Variants in GLDN observed in about 807,000 individuals in gnomAD.
GLDN encodes gliomedin.
In GLDN, 47 loss-of-function variants were observed where a neutral mutation model predicts 56.5. The observed-to-expected ratio is 0.83, with a 90% CI of 0.66 to 1.06. GLDN has a LOEUF of 1.06. Ranked by LOEUF, GLDN falls within the 50% of genes least tolerant of loss-of-function variation. The pLI is 0.00. For synonymous variants in GLDN, 332 were observed against 278.8 expected (o/e 1.19, Z -1.90); for missense variants, 782 against 714.3 (o/e 1.09, Z -1.08).
chr15:51,365,735 C>A (rs538553322), intron 1 of GLDN, among the ~76,000 whole-genome samples: 3 of 152,124 alleles, frequency 2.0e-5, no homozygotes, highest in Non-Finnish European at 4.4e-5. Context: ...ACGGATTGGA[C>A]GTTTTTCATT....
intron 1 of GLDN, among the ~76,000 whole-genome samples, chr15:51,343,728 G>A (rs1195350780): frequency 6.6e-6 from 1 of 152,182 alleles, no homozygotes; most frequent in Non-Finnish European, 1.5e-5. Flanking sequence ...ATGAGGGCCT[G>A]TCCCTGAGGC....
At chr15:51,388,447 G>A (rs1048514919) in intron 4 of GLDN, among the ~76,000 whole-genome samples, 5 of 151,920 alleles carry the variant, frequency 3.3e-5, no homozygotes, top group Non-Finnish European at 7.4e-5. Context: ...CTCCCCAAGC[G>A]CAATCAATCG....
At chr15:51,372,720 C>T (rs747102977) in intron 1 of GLDN, among the ~76,000 whole-genome samples, 16 of 152,176 alleles carry the variant, frequency 1.1e-4, no homozygotes, top group Admixed American at 2.6e-4. Context: ...GATGTGCTTT[C>T]CCACTTGAAC....
chr15:51,397,713 C>A, intron 6 of GLDN, 115 bp downstream of exon 6: 1 of 1,267,766 alleles, frequency 7.9e-7, no homozygotes, highest in Non-Finnish European at 1.0e-6. Context: ...GGGTTTTGTC[C>A]AAAATGAAAG....
chr15:51,355,721 C>T (rs1335482728), intron 1 of GLDN, among the ~76,000 whole-genome samples: 5 of 149,466 alleles, frequency 3.3e-5, no homozygotes, highest in African/African-American at 4.9e-5. Flanking sequence ...GACGGGGTTT[C>T]ACCGTGTTAG....
At chr15:51,395,969 C>T (rs1312774134) in intron 5 of GLDN, among the ~76,000 whole-genome samples, 1 of 152,008 alleles carries the variant, frequency 6.6e-6, no homozygotes, top group African/African-American at 2.4e-5. Context: ...ATGACCGAAT[C>T]TCGCAATAAC....
chr15:51,396,226 G>A (rs1008220109), intron 5 of GLDN, among the ~76,000 whole-genome samples: 4 of 152,218 alleles, frequency 2.6e-5, no homozygotes, highest in African/African-American at 9.6e-5. Context: ...CAGGGGCGCA[G>A]ATGTTCCTCA....
rs1254274571 is a variant in GLDN at position 51,383,585 on chromosome 15, C to T, written c.433+132C>T. On this transcript the variant is annotated intron_variant, in intron 3 of 9. Coordinates refer to ENST00000335449, the MANE Select transcript of GLDN (RefSeq NM_181789.4). Reference sequence around the variant, plus strand: ...CTGGCTGTGTGTCTCCTTCTTTGTGCCCCTCACCTGAGGCTCTGCCATCAC... The same window carrying T: ...CTGGCTGTGTGTCTCCTTCTTTGTGTCCCTCACCTGAGGCTCTGCCATCAC... The T allele has an allele frequency of 1.0e-5, 12 of 1,145,074 alleles. No individual in the cohort carries two copies. In the East Asian group the frequency reaches 1.9e-4, roughly 18 times the overall value. 70.9% of individuals were successfully genotyped at this position (1,145,074 alleles called of 1,614,324 possible). A position where few individuals can be genotyped will look rare whatever the true frequency, so the allele number is the denominator to read the frequency against.
downstream of GLDN, among the ~76,000 whole-genome samples, chr15:51,408,900 A>C (rs1276822895): frequency 6.6e-6 from 1 of 151,796 alleles, no homozygotes; most frequent in Non-Finnish European, 1.5e-5. Context: ...CATGGTGTAT[A>C]TGTGCCACAT....
chr15:51,359,502 C>T (rs2037249723), intron 1 of GLDN, among the ~76,000 whole-genome samples: 2 of 151,734 alleles, frequency 1.3e-5, no homozygotes, highest in South Asian at 2.1e-4. Flanking sequence ...AGTGTGGATC[C>T]CCATTGGGAC....
In GLDN at chr15:51,402,098, A is replaced by G. The variant is rs148264441; in HGVS notation, c.1178+355A>G. Among the ~76,000 whole-genome samples the G allele has an allele frequency of 9.6e-3, 1,466 of 152,294 alleles. 19 individuals are homozygous for G. The highest frequency in any genetic ancestry group is 0.034 in the African/African-American group (1,414 of 41,562). ...GTGGAACGTGCTGCTGCTCCCTGAT[A>G]AAGTTTTGTTTTGGAAAACTTTGGG... On this transcript the variant is annotated intron_variant, in intron 9 of 9. Transcript: ENST00000335449.
chr15:51,382,814 A>T (rs1390572637), intron 2 of GLDN, among the ~76,000 whole-genome samples: 1 of 152,146 alleles, frequency 6.6e-6, no homozygotes, highest in Non-Finnish European at 1.5e-5. Context: ...ACTCAAATAG[A>T]ATAGTCGACA....
At chr15:51,381,426 T>C (rs577497873) in intron 2 of GLDN, among the ~76,000 whole-genome samples, 2 of 152,274 alleles carry the variant, frequency 1.3e-5, no homozygotes, top group African/African-American at 4.8e-5. Context: ...CATCTGGTGG[T>C]AAAGTCATGG....
intron 1 of GLDN, among the ~76,000 whole-genome samples, chr15:51,358,001 G>A (rs2037220269): frequency 6.6e-6 from 1 of 152,156 alleles, no homozygotes; most frequent in African/African-American, 2.4e-5. Flanking sequence ...CAAAAGGCGT[G>A]TCAGTGGCTG....
intron 1 of GLDN, chr15:51,369,120 C>T (rs1328278086): frequency 6.6e-6 from 1 of 152,176 alleles, no homozygotes; most frequent in Non-Finnish European, 1.5e-5. Context: ...AGCTTCAGAT[C>T]CCATGAAGGA....
chr15:51,375,416 T>G (rs2037609283), intron 1 of GLDN, among the ~76,000 whole-genome samples: 1 of 152,266 alleles, frequency 6.6e-6, no homozygotes, highest in South Asian at 2.1e-4. Flanking sequence ...CATTTCTGTG[T>G]GCAGCACTGT....
intron 1 of GLDN, among the ~76,000 whole-genome samples, chr15:51,356,731 G>C (rs1229006116): frequency 6.6e-6 from 1 of 152,146 alleles, no homozygotes; most frequent in Admixed American, 6.5e-5. Flanking sequence ...GGTGGCGATA[G>C]CAGTATCTAA....
chr15:51,397,517 C>A lies in GLDN; in HGVS notation c.736C>A (p.Pro246Thr). The part of the protein sequence containing the change: ...GPPGPPGPPG[P>T]PGPPGPPGSR... ...ACCCGGTCCACCTGGGCCCCCAGGC[C>A]CTCCAGGTCCTCCAGGGCCCCCTGG... The change falls in exon 6 of 10, where the codon CCT (proline) becomes ACT (threonine). Residue 246 changes from proline (P) to threonine (T), a missense_variant. By Grantham distance (38) the Pro-to-Thr change is conservative. Transcript: ENST00000335449. 6.3e-7 allele frequency: 1 copy of A among 1,594,754 alleles called. No individual in the cohort carries two copies. Among genetic ancestry groups the A allele is most frequent in the Non-Finnish European group, 8.6e-7 (1 of 1,169,342 alleles).
At chr15:51,357,151 C>G (rs185774368) in intron 1 of GLDN, among the ~76,000 whole-genome samples, 3 of 152,210 alleles carry the variant, frequency 2.0e-5, no homozygotes, top group Non-Finnish European at 4.4e-5. Context: ...TTCCAGGTCC[C>G]CTTCCACCAC....
Sources: gnomAD v4.1 joint callset for allele counts (sites outside exome capture counted in the v4.1 genomes callset) on GRCh38, gnomAD v4.1.1 for gene constraint, MANE v1.5 for transcripts, NCBI Gene and HGNC (gene_info 2026-07-23, HGNC 2026-07-21) for gene names.